Variants in LMO7 observed in about 807,000 individuals in gnomAD.
The protein encoded by LMO7 is LIM domain only protein 7.
LMO7 carries 120 observed loss-of-function variants against 206.5 expected under a neutral mutation model. That is an observed-to-expected ratio of 0.58 (90% CI 0.50 to 0.68). The LOEUF (loss-of-function observed/expected upper bound fraction) is 0.68. Among genes scored for constraint, LMO7 ranks in the 30% least tolerant of loss-of-function variants. The probability of loss-of-function intolerance (pLI) is 0.00; values close to 1 mark genes in which losing one functional copy is unlikely to be tolerated. For synonymous variants in LMO7, 706 were observed against 681.5 expected, an observed-to-expected ratio of 1.04 and a Z score of -0.56; for missense variants, 1,959 against 1,957.9, an observed-to-expected ratio of 1.00 and a Z score of -0.01.
chr13:75,681,702 A>ATGTGTG (rs1360691041), intron 1 of LMO7, among the ~76,000 whole-genome samples: 36 of 98,198 alleles, frequency 3.7e-4, no homozygotes, highest in Admixed American at 1.3e-3. Flanking sequence ...GTATGTATGT[A>ATGTGTG]TGTGTATATA....
At chr13:75,707,688 G>C (rs2042760572) in intron 1 of LMO7, among the ~76,000 whole-genome samples, 1 of 151,970 alleles carries the variant, frequency 6.6e-6, no homozygotes, top group Non-Finnish European at 1.5e-5. Context: ...ATGCCAGATT[G>C]CCACGTCTTC....
chr13:75,669,655 G>C (rs2039380892), intron 1 of LMO7, among the ~76,000 whole-genome samples: 1 of 152,170 alleles, frequency 6.6e-6, no homozygotes, highest in Non-Finnish European at 1.5e-5. Flanking sequence ...TTGTGCTTAT[G>C]TACTGAGTTG....
intron 4 of LMO7, among the ~76,000 whole-genome samples, chr13:75,795,157 A>G (rs1164027727): frequency 6.6e-6 from 1 of 152,208 alleles, no homozygotes; most frequent in Non-Finnish European, 1.5e-5. Flanking sequence ...TGCTTTTTAT[A>G]GAAAACTGAC....
Position 75,804,310 on chromosome 13 carries a change from C to T in LMO7, c.683C>T (p.Ser228Leu), listed in dbSNP as rs145556173. 2.4e-5 allele frequency: 39 copies of T among 1,612,836 alleles called. No individual in the cohort carries two copies. The highest frequency in any genetic ancestry group is 5.3e-5 in the African/African-American group (4 of 74,902). ...GREGFESDTD[S>L]EFTFKMQDYN... ...ATAGGTTTTGAAAGTGACACAGATT[C>T]GGAATTTACATTTAAGATGCAGGAT... The change falls in exon 8 of 31, where the codon TCG (serine) becomes TTG (leucine). Residue 228 changes from serine to leucine, a missense_variant. Ser to Leu is a moderately radical substitution (Grantham distance 145, BLOSUM62 -2). Coordinates refer to ENST00000377534, the MANE Select transcript of LMO7 (RefSeq NM_001306080.2).
intron 3 of LMO7, among the ~76,000 whole-genome samples, chr13:75,738,843 A>G (rs2046182530): frequency 1.3e-5 from 2 of 152,244 alleles, no homozygotes; most frequent in Non-Finnish European, 2.9e-5. Flanking sequence ...GTGTAGAAAC[A>G]TCAGGGAAGT....
intron 1 of LMO7, among the ~76,000 whole-genome samples, chr13:75,699,551 G>A (rs571895741): frequency 6.6e-6 from 1 of 152,162 alleles, no homozygotes; most frequent in East Asian, 1.9e-4. Context: ...GACATCACAT[G>A]TTGACAGGTT....
intron 14 of LMO7, among the ~76,000 whole-genome samples, chr13:75,822,833 TA>T (rs1566548189): frequency 4.1e-5 from 6 of 145,736 alleles, no homozygotes; most frequent in Middle Eastern, 3.6e-3. Flanking sequence ...AAAATATATA[TA>T]TATATATATA....
rs1171531420 is a variant in LMO7 at position 75,836,258 on chromosome 13, T to C, written c.3334-139T>C. The C allele has an allele frequency of 7.1e-6, 4 of 566,076 alleles. No individual in the cohort carries two copies. In the East Asian group the frequency reaches 1.4e-4, roughly 20 times the overall value. 35.1% of individuals were successfully genotyped at this position (566,076 alleles called of 1,614,324 possible). On this transcript the variant is annotated intron_variant, in intron 18 of 30. Transcript: ENST00000377534. Reference sequence around the variant, plus strand: ...TGAAAAAACTTAAGTTTCTACTACATGTAAAAGGCTGTAAGGAATGCATCA... The same window carrying C: ...TGAAAAAACTTAAGTTTCTACTACACGTAAAAGGCTGTAAGGAATGCATCA...
intron 1 of LMO7, among the ~76,000 whole-genome samples, chr13:75,678,493 G>C (rs2040215887): frequency 6.6e-6 from 1 of 152,116 alleles, no homozygotes; most frequent in Admixed American, 6.6e-5. Flanking sequence ...TATTTTGGGG[G>C]AAAGTTTCCA....
At chr13:75,693,216 A>G (rs1254713179) in intron 1 of LMO7, among the ~76,000 whole-genome samples, 20 of 152,240 alleles carry the variant, frequency 1.3e-4, no homozygotes. Context: ...TATGCATGAT[A>G]TAATCCATCA....
At chr13:75,704,444 T>C (rs1048698021) in intron 1 of LMO7, among the ~76,000 whole-genome samples, 1 of 152,212 alleles carries the variant, frequency 6.6e-6, no homozygotes, top group African/African-American at 2.4e-5. Context: ...TAATTTGGAA[T>C]CAACTGTGAG....
At chr13:75,742,623 A>C (rs1469215550) in intron 3 of LMO7, among the ~76,000 whole-genome samples, 1 of 152,226 alleles carries the variant, frequency 6.6e-6, no homozygotes, top group Non-Finnish European at 1.5e-5. Flanking sequence ...ACAATGAGGA[A>C]AGGACTCCCT....
At chr13:75,811,226 T>A (rs1225258645) in intron 11 of LMO7, among the ~76,000 whole-genome samples, 1 of 150,524 alleles carries the variant, frequency 6.6e-6, no homozygotes, top group East Asian at 1.9e-4. Context: ...TTTTTTTTTT[T>A]AAGAGATGGA....
intron 3 of LMO7, among the ~76,000 whole-genome samples, chr13:75,747,925 T>A (rs2046979115): frequency 6.6e-6 from 1 of 152,038 alleles, no homozygotes; most frequent in African/African-American, 2.4e-5. Context: ...GATGGCTGAG[T>A]GAGGGATCCT....
At chr13:75,648,255 T>G (rs2037234858) in intron 1 of LMO7, among the ~76,000 whole-genome samples, 2 of 152,182 alleles carry the variant, frequency 1.3e-5, no homozygotes, top group South Asian at 4.1e-4. Flanking sequence ...GCCTAACTTG[T>G]TTTTTATGAT....
At position 75,636,746 on chromosome 13, in the gene LMO7, T is replaced by G. The variant is rs762422618; in HGVS notation, c.69+20T>G. The G allele has an allele frequency of 1.0e-5, 16 of 1,596,438 alleles. No homozygotes were observed. Among genetic ancestry groups the G allele is most frequent in the Non-Finnish European group, 1.4e-5 (16 of 1,171,906 alleles). ...GTGGAGGTGAGTGCCTTTCACTGCT[T>G]TCCCTTCCGCAGGTGTTGACTGCCT... On this transcript the variant is annotated intron_variant, in intron 1 of 30. Coordinates refer to ENST00000377534, the MANE Select transcript of LMO7 (RefSeq NM_001306080.2).
chr13:75,744,647 G>A (rs2046683718), intron 3 of LMO7, among the ~76,000 whole-genome samples: 1 of 152,232 alleles, frequency 6.6e-6, no homozygotes, highest in Non-Finnish European at 1.5e-5. Flanking sequence ...CTGGTGTGAA[G>A]GCACTGGTCA....
At chr13:75,843,610 A>AC (rs1252672265) in intron 25 of LMO7, among the ~76,000 whole-genome samples, 4 of 152,210 alleles carry the variant, frequency 2.6e-5, no homozygotes, top group Non-Finnish European at 5.9e-5. Flanking sequence ...TTTGGTTAGA[A>AC]CTACTGGTCA....
chr13:75,691,635 T>C (rs2041484062), intron 1 of LMO7, among the ~76,000 whole-genome samples: 1 of 152,192 alleles, frequency 6.6e-6, no homozygotes, highest in South Asian at 2.1e-4. Context: ...CTTTCTCCTA[T>C]AGCCTTCCCC....
Sources: gnomAD v4.1 joint callset for allele counts (sites outside exome capture counted in the v4.1 genomes callset) on GRCh38, gnomAD v4.1.1 for gene constraint, MANE v1.5 for transcripts, NCBI Gene and HGNC (gene_info 2026-07-23, HGNC 2026-07-21) for gene names.